NPY2R: variants seen among roughly 807,000 people sequenced by gnomAD.
The protein encoded by NPY2R is neuropeptide Y receptor Y2.
Under a neutral mutation model 22.3 loss-of-function variants are expected in NPY2R, and 17 were observed. The ratio of observed to expected loss-of-function variants is 0.76; its 90% confidence interval spans 0.52 to 1.14. The LOEUF (loss-of-function observed/expected upper bound fraction) is 1.14, where lower values mean the gene tolerates loss of function less well. NPY2R is among the 50% of genes most tolerant of loss of function. The pLI is 0.00. For synonymous variants in NPY2R, 209 were observed against 183.4 expected (o/e 1.14, Z -1.13); for missense variants, 424 against 467.9 (o/e 0.91, Z 0.87).
At chr4:155,211,900 C>T (rs1385699456) in intron 1 of NPY2R, among the ~76,000 whole-genome samples, 1 of 152,188 alleles carries the variant, frequency 6.6e-6, no homozygotes, top group Non-Finnish European at 1.5e-5. Flanking sequence ...AGAGGCACTG[C>T]CAAGAGCAGA....
the NPY2R span, among the ~76,000 whole-genome samples, chr4:155,199,885 A>T: frequency 0.011 from 1,688 of 152,262 alleles, 36 homozygotes; most frequent in African/African-American, 0.039. Flanking sequence ...TAAACGTAAA[A>T]CCAAACCCCA....
At chr4:155,209,426 T>A (rs1051337475) in intron 1 of NPY2R, among the ~76,000 whole-genome samples, 1 of 152,210 alleles carries the variant, frequency 6.6e-6, no homozygotes, top group Non-Finnish European at 1.5e-5. Flanking sequence ...AGGAGACACA[T>A]TCATTTAAGC....
the NPY2R span, among the ~76,000 whole-genome samples, chr4:155,177,384 G>A: frequency 2.0e-5 from 3 of 152,144 alleles, no homozygotes; most frequent in South Asian, 6.2e-4. Context: ...GGGCTAATGG[G>A]TACCGAGTAA....
chr4:155,189,751 C>A, the NPY2R span, among the ~76,000 whole-genome samples: 1 of 151,650 alleles, frequency 6.6e-6, no homozygotes, highest in African/African-American at 2.4e-5. Context: ...GAGTAGGGAC[C>A]CTACTCCTAT....
intron 1 of NPY2R, among the ~76,000 whole-genome samples, chr4:155,212,560 C>T (rs1574175): frequency 0.14 from 21,297 of 152,012 alleles, 1,619 homozygotes; most frequent in South Asian, 0.17. Flanking sequence ...GAAGTAAAGG[C>T]GCCAGGATGG....
chr4:155,190,379 T>C, the NPY2R span, among the ~76,000 whole-genome samples: 1 of 151,922 alleles, frequency 6.6e-6, no homozygotes, highest in Admixed American at 6.6e-5. Flanking sequence ...AGAAAACATA[T>C]TTTGTAATCA....
At chr4:155,180,664 A>AAT in the NPY2R span, among the ~76,000 whole-genome samples, 1 of 152,008 alleles carries the variant, frequency 6.6e-6, no homozygotes, top group Non-Finnish European at 1.5e-5. Context: ...TTGGAACTCT[A>AAT]ATATATATAT....
At chr4:155,192,916 A>T in the NPY2R span, among the ~76,000 whole-genome samples, 1 of 151,890 alleles carries the variant, frequency 6.6e-6, no homozygotes, top group African/African-American at 2.4e-5. Context: ...ACCCATTTAG[A>T]TTTCCATTCA....
the NPY2R span, among the ~76,000 whole-genome samples, chr4:155,196,916 T>G: frequency 6.6e-6 from 1 of 151,924 alleles, no homozygotes; most frequent in Admixed American, 6.6e-5. Context: ...AAATTCCTAT[T>G]TATTTTAAGA....
chr4:155,185,719 A>C, the NPY2R span, among the ~76,000 whole-genome samples: 2 of 151,986 alleles, frequency 1.3e-5, no homozygotes, highest in Admixed American at 1.3e-4. Flanking sequence ...AACAAAAATC[A>C]AACAAGTTGT....
chr4:155,174,484 A>ATTTTTTT, the NPY2R span, among the ~76,000 whole-genome samples: 53 of 106,054 alleles, frequency 5.0e-4, no homozygotes, highest in African/African-American at 1.0e-3. Context: ...ATATATATAT[A>ATTTTTTT]TTTTTTTTTT....
At chr4:155,179,440 C>CTTTTAAAGCCTTTTAGAAGGCTTGT in the NPY2R span, among the ~76,000 whole-genome samples, 1 of 152,122 alleles carries the variant, frequency 6.6e-6, no homozygotes, top group Non-Finnish European at 1.5e-5. Context: ...TTGAGGCTTG[C>CTTTTAAAGCCTTTTAGAAGGCTTGT]TTTTAAAGCC....
chr4:155,184,609 A>C, the NPY2R span, among the ~76,000 whole-genome samples: 8 of 152,292 alleles, frequency 5.3e-5, no homozygotes, highest in Admixed American at 5.2e-4. Flanking sequence ...GCCATAAAAA[A>C]GGTCTGAGAC....
At chr4:155,213,644 C>A (rs1464189726) in intron 1 of NPY2R, among the ~76,000 whole-genome samples, 1 of 152,116 alleles carries the variant, frequency 6.6e-6, no homozygotes, top group African/African-American at 2.4e-5. Context: ...CGGTATTATA[C>A]TTTACCGTCA....
chr4:155,184,037 A>G, the NPY2R span, among the ~76,000 whole-genome samples: 3,244 of 152,284 alleles, frequency 0.021, 127 homozygotes, highest in African/African-American at 0.073. Flanking sequence ...TTAGACTCAG[A>G]ATAGGAGCTG....
chr4:155,183,382 A>T, the NPY2R span, among the ~76,000 whole-genome samples: 1 of 152,160 alleles, frequency 6.6e-6, no homozygotes, highest in Non-Finnish European at 1.5e-5. Context: ...ATGACTTTGC[A>T]TAATAATCTG....
the NPY2R span, among the ~76,000 whole-genome samples, chr4:155,184,700 A>G: frequency 6.6e-6 from 1 of 152,118 alleles, no homozygotes; most frequent in Non-Finnish European, 1.5e-5. Context: ...TCTTTGTCAT[A>G]TCTGAATAAC....
chr4:155,211,978 C>G (rs1055039720), intron 1 of NPY2R, among the ~76,000 whole-genome samples: 6 of 152,192 alleles, frequency 3.9e-5, no homozygotes, highest in Admixed American at 1.3e-4. Flanking sequence ...ACCGACCAAA[C>G]CCAGCCAGAA....
the NPY2R span, among the ~76,000 whole-genome samples, chr4:155,202,344 A>G: frequency 6.6e-6 from 1 of 152,178 alleles, no homozygotes; most frequent in Non-Finnish European, 1.5e-5. Context: ...AGCTGCTGTC[A>G]GAGTCCACTC....
Sources: gnomAD v4.1 joint callset for allele counts (sites outside exome capture counted in the v4.1 genomes callset) on GRCh38, gnomAD v4.1.1 for gene constraint, MANE v1.5 for transcripts, NCBI Gene and HGNC (gene_info 2026-07-23, HGNC 2026-07-21) for gene names.